EYS: variants seen among roughly 807,000 people sequenced by gnomAD.
The protein encoded by EYS is protein eyes shut homolog.
EYS carries 250 observed loss-of-function variants against 282.1 expected under a neutral mutation model. The observed-to-expected ratio is 0.89, with a 90% confidence interval of 0.80 to 0.98. The LOEUF is 0.98. Among genes scored for constraint, EYS ranks in the 50% least tolerant of loss-of-function variants. The pLI is 0.00. For synonymous variants in EYS, 1,355 were observed against 1,282.9 expected, an observed-to-expected ratio of 1.06 and a Z score of -1.20; for missense variants, 4,016 against 3,709.0, an observed-to-expected ratio of 1.08 and a Z score of -2.15.
At chr6:65,163,376 A>G (rs570368857) in intron 12 of EYS, among the ~76,000 whole-genome samples, 1 of 151,378 alleles carries the variant, frequency 6.6e-6, no homozygotes, top group Non-Finnish European at 1.5e-5. Flanking sequence ...AAGATTAAAG[A>G]CTCTAGAATG....
chr6:65,050,612 C>A (rs975685038), intron 13 of EYS, among the ~76,000 whole-genome samples: 1 of 151,440 alleles, frequency 6.6e-6, no homozygotes, highest in Admixed American at 6.6e-5. Flanking sequence ...GGTAGCCCAG[C>A]CAAAATATTT....
At chr6:64,495,264 C>A (rs532054943) in intron 26 of EYS, among the ~76,000 whole-genome samples, 1 of 151,668 alleles carries the variant, frequency 6.6e-6, no homozygotes, top group South Asian at 2.1e-4. Flanking sequence ...ATCCATGGAG[C>A]CAGGAGTCAG....
intron 13 of EYS, among the ~76,000 whole-genome samples, chr6:65,046,846 G>T (rs1343803106): frequency 1.3e-5 from 2 of 151,820 alleles, no homozygotes; most frequent in Non-Finnish European, 2.9e-5. Flanking sequence ...TGTATTATGG[G>T]GGCAGATGCC....
chr6:63,842,262 C>T (rs1444410760), intron 36 of EYS, among the ~76,000 whole-genome samples: 1 of 152,190 alleles, frequency 6.6e-6, no homozygotes, highest in African/African-American at 2.4e-5. Context: ...CACATCCTCT[C>T]CAGCATCTGT....
At chr6:64,905,929 T>C (rs902767901) in intron 16 of EYS, among the ~76,000 whole-genome samples, 2 of 151,968 alleles carry the variant, frequency 1.3e-5, no homozygotes, top group Admixed American at 6.6e-5. Flanking sequence ...AAATCATATA[T>C]TTTTAAATAA....
intron 36 of EYS, among the ~76,000 whole-genome samples, chr6:63,854,317 A>T: frequency 6.6e-6 from 1 of 152,198 alleles, no homozygotes; most frequent in Admixed American, 6.5e-5. Context: ...ACATGGATGA[A>T]GCTGGAAACC....
chr6:64,344,577 C>A (rs1160814578), intron 29 of EYS, among the ~76,000 whole-genome samples: 1 of 152,074 alleles, frequency 6.6e-6, no homozygotes, highest in African/African-American at 2.4e-5. Flanking sequence ...CTATGACAAA[C>A]CCACAGCCAA....
intron 28 of EYS, among the ~76,000 whole-genome samples, chr6:64,414,643 T>C (rs905816140): frequency 6.6e-6 from 1 of 152,170 alleles, no homozygotes; most frequent in Non-Finnish European, 1.5e-5. Context: ...CATTATTTAC[T>C]GGGCAGAGGG....
intron 2 of EYS, among the ~76,000 whole-genome samples, chr6:65,629,779 T>A (rs143895000): frequency 6.2e-4 from 94 of 152,268 alleles, no homozygotes; most frequent in African/African-American, 2.2e-3. Context: ...TATTGATTTG[T>A]CTTGTGCATA....
At chr6:65,265,324 T>A (rs543286702) in intron 12 of EYS, among the ~76,000 whole-genome samples, 4 of 152,154 alleles carry the variant, frequency 2.6e-5, no homozygotes, top group Admixed American at 2.6e-4. Context: ...CTGTAGTTCT[T>A]TTACCTTATT....
intron 22 of EYS, among the ~76,000 whole-genome samples, chr6:64,761,921 T>C (rs1423198569): frequency 6.6e-6 from 1 of 152,132 alleles, no homozygotes; most frequent in Non-Finnish European, 1.5e-5. Flanking sequence ...AGGAGAAATA[T>C]TGGTTAAGAG....
chr6:65,629,799 G>A (rs1056032836), intron 2 of EYS, among the ~76,000 whole-genome samples: 1 of 152,064 alleles, frequency 6.6e-6, no homozygotes. Flanking sequence ...AGGGCAATGG[G>A]CAATGAACCT....
intron 2 of EYS, among the ~76,000 whole-genome samples, chr6:65,561,531 G>A (rs974848980): frequency 6.6e-6 from 1 of 151,990 alleles, no homozygotes; most frequent in African/African-American, 2.4e-5. Context: ...TCACATTCGT[G>A]TGTCTCATTT....
chr6:65,595,547 T>G (rs1765375025), intron 2 of EYS, among the ~76,000 whole-genome samples: 1 of 151,926 alleles, frequency 6.6e-6, no homozygotes. Context: ...ATCTGTAAAT[T>G]CAGATAATGG....
intron 21 of EYS, among the ~76,000 whole-genome samples, chr6:64,815,824 T>C (rs1341335341): frequency 6.6e-6 from 1 of 152,024 alleles, no homozygotes; most frequent in Admixed American, 6.6e-5. Context: ...CTGAAAATAT[T>C]ATGCCAGGAA....
intron 29 of EYS, among the ~76,000 whole-genome samples, chr6:64,350,865 GC>G (rs1256481108): frequency 2.0e-5 from 3 of 151,430 alleles, no homozygotes; most frequent in African/African-American, 4.8e-5. Flanking sequence ...AGTTCATGGG[GC>G]CCTGTCCCCC....
intron 35 of EYS, among the ~76,000 whole-genome samples, chr6:63,869,331 T>C (rs321498): frequency 0.6 from 91,546 of 151,908 alleles, 28,562 homozygotes; most frequent in East Asian, 0.71. Context: ...ATGGAATATA[T>C]GGTATAATCT....
chr6:64,664,072 C>T (rs1020706952), intron 22 of EYS, among the ~76,000 whole-genome samples: 4 of 152,150 alleles, frequency 2.6e-5, no homozygotes, highest in African/African-American at 9.7e-5. Flanking sequence ...AGGTCTGCAA[C>T]GCAGGGATCA....
At chr6:65,618,687 G>A (rs1178877758) in intron 2 of EYS, among the ~76,000 whole-genome samples, 1 of 152,178 alleles carries the variant, frequency 6.6e-6, no homozygotes, top group Non-Finnish European at 1.5e-5. Context: ...ACGGTTTTAG[G>A]TCTAATGTAT....
Sources: allele counts gnomAD v4.1 joint callset (sites outside exome capture counted in the v4.1 genomes callset), GRCh38; gene constraint gnomAD v4.1.1; transcripts MANE v1.5; gene names NCBI Gene and HGNC (gene_info 2026-07-23, HGNC 2026-07-21).